AFF3: variants seen among roughly 807,000 people sequenced by gnomAD.
The protein encoded by AFF3 is AF4/FMR2 family member 3.
A neutral mutation model predicts 129.7 loss-of-function variants in AFF3; 32 were observed. The ratio of observed to expected loss-of-function variants is 0.25; its 90% CI spans 0.19 to 0.33. AFF3 has a LOEUF of 0.33. Ranked by LOEUF, AFF3 falls within the 10% of genes least tolerant of loss-of-function variation. The probability of loss-of-function intolerance (pLI) is 1.00; values close to 1 mark genes in which losing one functional copy is unlikely to be tolerated. For synonymous variants in AFF3, 644 were observed against 635.4 expected (o/e 1.01, Z -0.20); for missense variants, 1,373 against 1,592.0 (o/e 0.86, Z 2.34).
chr2:100,055,731 T>C (rs769887952), intron 4 of AFF3, among the ~76,000 whole-genome samples: 1 of 152,224 alleles, frequency 6.6e-6, no homozygotes, highest in Admixed American at 6.5e-5. Context: ...TCTGCTACTG[T>C]AGCACGAAAG....
chr2:99,947,621 T>TAGACAGAC (rs1559000415), intron 7 of AFF3, among the ~76,000 whole-genome samples: 9 of 143,390 alleles, frequency 6.3e-5, no homozygotes, highest in African/African-American at 2.5e-4. Context: ...GATAGATAGA[T>TAGACAGAC]AGATAGATAG....
chr2:100,063,402 A>C (rs1459101784), intron 4 of AFF3, among the ~76,000 whole-genome samples: 3 of 152,202 alleles, frequency 2.0e-5, no homozygotes, highest in Non-Finnish European at 4.4e-5. Flanking sequence ...ATTTTATGCT[A>C]TGTGTATTTT....
chr2:99,568,727 C>G (rs1676207874), intron 19 of AFF3, 125 bp downstream of exon 19: 1 of 889,868 alleles, frequency 1.1e-6, no homozygotes, highest in South Asian at 1.5e-5. Context: ...AAACATTTCT[C>G]CATTGAACAG....
chr2:99,832,176 T>A (rs1289854349), intron 8 of AFF3, among the ~76,000 whole-genome samples: 1 of 152,252 alleles, frequency 6.6e-6, no homozygotes. Flanking sequence ...GCAGAAGTTA[T>A]AATCTCACAG....
intron 4 of AFF3, among the ~76,000 whole-genome samples, chr2:100,062,428 C>G (rs545409021): frequency 1.3e-5 from 2 of 152,162 alleles, no homozygotes; most frequent in South Asian, 4.1e-4. Context: ...AAAATGTCTA[C>G]AGGGGCAAAA....
chr2:99,964,013 T>C (rs1206676183), intron 7 of AFF3, among the ~76,000 whole-genome samples: 2 of 151,808 alleles, frequency 1.3e-5, no homozygotes, highest in Non-Finnish European at 2.9e-5. Flanking sequence ...CAAAGTAAAA[T>C]ACTAAAGACA....
chr2:100,081,963 G>A (rs1689076824), intron 4 of AFF3, among the ~76,000 whole-genome samples: 1 of 152,166 alleles, frequency 6.6e-6, no homozygotes, highest in Non-Finnish European at 1.5e-5. Context: ...GGATAAAACT[G>A]AGATGTAATC....
intron 11 of AFF3, among the ~76,000 whole-genome samples, chr2:99,690,155 T>TTTATTATTA (rs200485697): frequency 1.0e-3 from 123 of 123,016 alleles, no homozygotes; most frequent in Non-Finnish European, 1.4e-3. Flanking sequence ...AACCACAATC[T>TTTATTATTA]TTATTATTAT....
chr2:100,053,179 T>C (rs1371750533), intron 4 of AFF3, among the ~76,000 whole-genome samples: 1 of 152,228 alleles, frequency 6.6e-6, no homozygotes, highest in Non-Finnish European at 1.5e-5. Flanking sequence ...TGAAAAATTA[T>C]GTTTTACTCA....
rs572646067 is a variant in AFF3, at chr2:99,754,348, C to T, written c.922-2047G>A. ...ATAGCTTCCTTTGCAATCACTCTTT[C>T]GCTTACACAATTTACATTGTCTGAT... On this transcript the variant is annotated intron_variant, in intron 8 of 24. Transcript: ENST00000672756. 1.3e-4 allele frequency among the ~76,000 whole-genome samples: 20 copies of T among 152,328 alleles called. No individual in the cohort carries two copies. In the South Asian group the frequency reaches 1.7e-3, roughly 13 times the overall value.
rs1356986595 is a variant in AFF3 at position 99,593,248 on chromosome 2, T to C, written c.2413A>G (p.Thr805Ala). ...GCCTTTTCTGCAGGTGTGTCCGAGG[T>C]GTGGCTGGGCGGTGCGCTCTCAGAG... ...KDSESAPPSH[T>A]SDTPAEKALP... Residue 805 changes from threonine to alanine, a missense_variant, in exon 15 of 25, where the codon ACC (threonine) becomes GCC (alanine). Physicochemically the swap from Thr to Ala is moderately conservative, Grantham distance 58. Coordinates refer to ENST00000672756, the MANE Select transcript of AFF3 (RefSeq NM_001386135.1). 2 of 1,610,290 alleles carry C rather than the reference T, an allele frequency of 1.2e-6. No homozygotes were observed. Among genetic ancestry groups the C allele is most frequent in the Non-Finnish European group, 8.5e-7 (1 of 1,177,374 alleles).
intron 12 of AFF3, 88 bp from the exon 13 acceptor site, chr2:99,649,754 CATT>C (rs1318236487): frequency 1.2e-5 from 17 of 1,474,028 alleles, no homozygotes; most frequent in Admixed American, 1.8e-5. Flanking sequence ...AAGACCCCTG[CATT>C]ACACACATTT....
At chr2:99,883,384 G>A (rs140051466) in intron 7 of AFF3, among the ~76,000 whole-genome samples, 3 of 152,190 alleles carry the variant, frequency 2.0e-5, no homozygotes, top group African/African-American at 4.8e-5. Context: ...AAATTCTTGC[G>A]AATAAGCCCC....
intron 12 of AFF3, among the ~76,000 whole-genome samples, chr2:99,650,944 C>A (rs191669738): frequency 0.015 from 2,313 of 151,976 alleles, 53 homozygotes; most frequent in African/African-American, 0.054. Flanking sequence ...GAGGCCCAGG[C>A]AGGTGGATCA....
At chr2:99,942,901 T>C (rs1025906013) in intron 7 of AFF3, among the ~76,000 whole-genome samples, 1 of 152,110 alleles carries the variant, frequency 6.6e-6, no homozygotes, top group Non-Finnish European at 1.5e-5. Context: ...TTTCCTTCCC[T>C]GAAGAGCAAT....
At chr2:99,848,609 A>G (rs1485004192) in intron 7 of AFF3, among the ~76,000 whole-genome samples, 1 of 152,246 alleles carries the variant, frequency 6.6e-6, no homozygotes, top group Non-Finnish European at 1.5e-5. Context: ...TTGTAATCCA[A>G]CTAAAAGACA....
At chr2:100,011,412 T>C in intron 4 of AFF3, 2 of 776,484 alleles carry the variant, frequency 2.6e-6, no homozygotes. Context: ...ATGCACGAAG[T>C]GGCCTCATGT....
At chr2:99,900,409 T>C (rs1394553472) in intron 7 of AFF3, among the ~76,000 whole-genome samples, 2 of 152,108 alleles carry the variant, frequency 1.3e-5, no homozygotes, top group East Asian at 3.9e-4. Context: ...AATATGTAGC[T>C]CTAAGACTCG....
chr2:100,007,653 G>A lies in AFF3; in HGVS notation c.175-193C>T, dbSNP rs1682093880. 6 of 620,222 alleles carry A rather than the reference G, an allele frequency of 9.7e-6. No individual in the cohort carries two copies. In the South Asian group the frequency reaches 1.2e-4, roughly 12 times the overall value. 38.4% of individuals were successfully genotyped at this position (620,222 alleles called of 1,614,324 possible). A position where few individuals can be genotyped will look rare whatever the true frequency, so the allele number is the denominator to read the frequency against. ...GGTGATGCACCAGAACAGGAAGCCT[G>A]TAATGGCCTTGGGGTGCATAAAAAG... On this transcript the variant is annotated intron_variant, in intron 5 of 24. Transcript: ENST00000672756.
Sources: gnomAD v4.1 joint callset for allele counts (sites outside exome capture counted in the v4.1 genomes callset) on GRCh38, gnomAD v4.1.1 for gene constraint, MANE v1.5 for transcripts, NCBI Gene and HGNC (gene_info 2026-07-23, HGNC 2026-07-21) for gene names.